TEX29: variants seen among roughly 807,000 people sequenced by gnomAD.
The protein encoded by TEX29 is testis-expressed protein 29.
TEX29 carries 26 observed loss-of-function variants against 18.2 expected under a neutral mutation model. The ratio of observed to expected loss-of-function variants is 1.43; its 90% CI spans 1.04 to 1.98. The LOEUF (loss-of-function observed/expected upper bound fraction) is 1.98. Among genes scored for constraint, TEX29 ranks in the 30% most tolerant of loss-of-function variants. TEX29 has a pLI of 0.00. For synonymous variants in TEX29, 83 were observed against 78.5 expected, an observed-to-expected ratio of 1.06 and a Z score of -0.31; for missense variants, 177 against 194.2, an observed-to-expected ratio of 0.91 and a Z score of 0.53.
chr13:111,343,816 T>G (rs2093700541), intron 5 of TEX29, among the ~76,000 whole-genome samples: 3 of 152,148 alleles, frequency 2.0e-5, no homozygotes, highest in Admixed American at 2.0e-4. Context: ...GCTGCGTCTG[T>G]GCAAATGAGG....
chr13:111,326,479 G>A (rs2093673688), intron 2 of TEX29, among the ~76,000 whole-genome samples: 1 of 148,752 alleles, frequency 6.7e-6, no homozygotes, highest in Non-Finnish European at 1.5e-5. Flanking sequence ...ACTGCGGGCA[G>A]TGCGAGCCTG....
At chr13:111,320,452 A>G (rs1237419423), upstream of TEX29, among the ~76,000 whole-genome samples, 1 of 152,220 alleles carries the variant, frequency 6.6e-6, no homozygotes, top group Non-Finnish European at 1.5e-5. Context: ...TGGTGTCCCC[A>G]GCAGCGTCTT....
upstream of TEX29, among the ~76,000 whole-genome samples, chr13:111,318,762 A>G (rs983672150): frequency 6.6e-6 from 1 of 152,214 alleles, no homozygotes. Flanking sequence ...GCTGGTGGGA[A>G]CGTGAAATGG....
At chr13:111,339,798 T>G in intron 3 of TEX29, 65 bp from the exon 4 acceptor site, 13 of 1,556,506 alleles carry the variant, frequency 8.4e-6, no homozygotes, top group Non-Finnish European at 1.2e-5. Context: ...GGGTTGCCTT[T>G]TCTTCATCTT....
intron 3 of TEX29, 142 bp from the exon 4 acceptor site, chr13:111,339,721 G>C: frequency 1.4e-6 from 1 of 729,714 alleles, no homozygotes; most frequent in Non-Finnish European, 2.4e-6. Context: ...GGAGACGCTG[G>C]GGAGGGTGGG....
At chr13:111,328,111 C>G in intron 2 of TEX29, 72 bp from the exon 3 acceptor site, 1 of 1,003,026 alleles carries the variant, frequency 1.0e-6, no homozygotes, top group Non-Finnish European at 1.6e-6. Context: ...CACCGGTTCC[C>G]AGGTTCTTTA....
upstream of TEX29, among the ~76,000 whole-genome samples, chr13:111,319,959 A>G (rs1235385928): frequency 6.6e-6 from 1 of 152,216 alleles, no homozygotes; most frequent in Non-Finnish European, 1.5e-5. Context: ...AAAATCTGCT[A>G]GTAACTCCCT....
intron 2 of TEX29, among the ~76,000 whole-genome samples, chr13:111,323,161 G>A (rs563118124): frequency 3.9e-5 from 6 of 152,216 alleles, no homozygotes; most frequent in Non-Finnish European, 7.3e-5. Context: ...CAGCCCTGCT[G>A]GGCTTCCCCA....
intron 2 of TEX29, among the ~76,000 whole-genome samples, chr13:111,327,634 G>A (rs1201625723): frequency 2.6e-5 from 4 of 152,194 alleles, no homozygotes; most frequent in Non-Finnish European, 2.9e-5. Context: ...CTCTGGAAAG[G>A]GTCGTCTGCC....
Position 111,326,391 on chromosome 13 carries a change from T to C in TEX29, c.59-1792T>C, listed in dbSNP as rs1396266520. On this transcript the variant is annotated intron_variant, in intron 2 of 5. Transcript: ENST00000283547. ...GGGGTGGAGGAGACCGCGGGCAGCG[T>C]GAGGCTGTCTGGTGGGGTGGAGGAG... Among the ~76,000 whole-genome samples the C allele has an allele frequency of 2.7e-3, 294 of 110,660 alleles. 3 individuals carry two copies. The highest frequency in any genetic ancestry group is 0.01 in the African/African-American group (270 of 26,696). The allele number at this position is 110,660 out of a possible 152,430, so 72.6% of individuals were successfully genotyped here.
rs1465499588 is a variant in TEX29, at chr13:111,328,164, T to C, written c.59-19T>C. 2.6e-6 allele frequency: 4 copies of C among 1,537,030 alleles called. No individual in the cohort carries two copies. The stretch of plus-strand genomic sequence containing the variant: ...TTTGTTTTCGGGGGTGACACTTGTG[T>C]ATGTCTGTGCTTTTGCAGTGTGTGA... On this transcript the variant is annotated intron_variant, in intron 2 of 5. Coordinates refer to ENST00000283547, the MANE Select transcript of TEX29 (RefSeq NM_152324.3).
chr13:111,343,313 C>T (rs1473718653), intron 5 of TEX29, among the ~76,000 whole-genome samples: 1 of 151,718 alleles, frequency 6.6e-6, no homozygotes, highest in Non-Finnish European at 1.5e-5. Flanking sequence ...GCCATGGGTA[C>T]TCTCTGTGGC....
chr13:111,326,852 C>T (rs2093674814), intron 2 of TEX29, among the ~76,000 whole-genome samples: 1 of 152,126 alleles, frequency 6.6e-6, no homozygotes, highest in Non-Finnish European at 1.5e-5. Context: ...CTGTGTCCAC[C>T]CTGGAATTGC....
At chr13:111,332,917 A>T (rs913790763) in intron 3 of TEX29, among the ~76,000 whole-genome samples, 2 of 152,202 alleles carry the variant, frequency 1.3e-5, no homozygotes, top group African/African-American at 4.8e-5. Flanking sequence ...TTTCGTATAA[A>T]GAAGCTTTGC....
intron 2 of TEX29, among the ~76,000 whole-genome samples, chr13:111,326,662 G>A (rs74582068): frequency 0.033 from 513 of 15,336 alleles, 2 homozygotes; most frequent in Middle Eastern, 0.14. Context: ...CCTGTCTGGT[G>A]GGGTGGAGAC....
chr13:111,321,584 T>G (rs1159751266), intron 2 of TEX29, among the ~76,000 whole-genome samples: 1 of 151,956 alleles, frequency 6.6e-6, no homozygotes, highest in Non-Finnish European at 1.5e-5. Context: ...CAATGGATCT[T>G]GTGTTCATGC....
chr13:111,331,013 T>A (rs942279466), intron 3 of TEX29, among the ~76,000 whole-genome samples: 19 of 152,236 alleles, frequency 1.2e-4, no homozygotes, highest in Admixed American at 1.0e-3. Context: ...TCAGAACATT[T>A]GTATATAGGT....
chr13:111,326,077 A>C (rs1297935640), intron 2 of TEX29, among the ~76,000 whole-genome samples: 1 of 152,178 alleles, frequency 6.6e-6, no homozygotes, highest in Non-Finnish European at 1.5e-5. Context: ...GTCTCTGTGG[A>C]TCCCGGCTCC....
chr13:111,322,158 A>T (rs774665282), intron 2 of TEX29, among the ~76,000 whole-genome samples: 9 of 152,222 alleles, frequency 5.9e-5, no homozygotes, highest in Non-Finnish European at 1.0e-4. Flanking sequence ...TTCCAAGGCC[A>T]CCAGGCCACC....
Sources: allele counts gnomAD v4.1 joint callset (sites outside exome capture counted in the v4.1 genomes callset), GRCh38; gene constraint gnomAD v4.1.1; transcripts MANE v1.5; gene names NCBI Gene and HGNC (gene_info 2026-07-23, HGNC 2026-07-21).